Variants in MAGI2 observed in about 807,000 individuals in gnomAD.
The protein encoded by MAGI2 is membrane associated guanylate kinase, WW and PDZ domain containing 2, also known as membrane-associated guanylate kinase, WW and PDZ domain-containing protein 2.
MAGI2 carries 35 observed loss-of-function variants against 133.3 expected under a neutral mutation model. The observed-to-expected ratio is 0.26, with a 90% CI of 0.20 to 0.35. The LOEUF is 0.35. MAGI2 is among the 10% of genes least tolerant of loss of function. MAGI2 has a pLI of 1.00. For missense variants in MAGI2, 1,636 were observed against 1,863.4 expected (o/e 0.88, Z 2.25); for synonymous variants, 729 against 710.6 (o/e 1.03, Z -0.41).
chr7:78,144,847 C>A (rs1823132575), intron 16 of MAGI2, among the ~76,000 whole-genome samples: 1 of 152,116 alleles, frequency 6.6e-6, no homozygotes, highest in Non-Finnish European at 1.5e-5. Flanking sequence ...TGGTTTGCTG[C>A]ACTTATTGAT....
intron 1 of MAGI2, among the ~76,000 whole-genome samples, chr7:79,300,581 G>C (rs1430458743): frequency 6.6e-6 from 1 of 152,166 alleles, no homozygotes; most frequent in Non-Finnish European, 1.5e-5. Flanking sequence ...ATATTTAAAA[G>C]GATAGCAGAG....
intron 3 of MAGI2, among the ~76,000 whole-genome samples, chr7:78,544,919 G>T (rs999658252): frequency 6.6e-6 from 1 of 151,372 alleles, no homozygotes; most frequent in Non-Finnish European, 1.5e-5. Context: ...TTGGCCTCCC[G>T]AAGGGCTGGG....
intron 1 of MAGI2, among the ~76,000 whole-genome samples, chr7:79,187,355 A>G (rs1827260575): frequency 6.6e-6 from 1 of 151,748 alleles, no homozygotes; most frequent in Non-Finnish European, 1.5e-5. Context: ...TTCTATGATA[A>G]AACTATCTCA....
intron 1 of MAGI2, among the ~76,000 whole-genome samples, chr7:79,270,858 C>G (rs1468399971): frequency 2.0e-5 from 3 of 152,028 alleles, no homozygotes; most frequent in Non-Finnish European, 4.4e-5. Context: ...CTAGTTTCTT[C>G]ATACCACTTT....
chr7:79,390,864 G>T (rs1844548242), intron 1 of MAGI2, among the ~76,000 whole-genome samples: 1 of 152,152 alleles, frequency 6.6e-6, no homozygotes, highest in Non-Finnish European at 1.5e-5. Context: ...CTCTGAATTA[G>T]CAGAAAGAGC....
chr7:78,321,675 A>T (rs1372089165), intron 9 of MAGI2, among the ~76,000 whole-genome samples: 1 of 152,192 alleles, frequency 6.6e-6, no homozygotes, highest in African/African-American at 2.4e-5. Context: ...CCCTAGAAGA[A>T]AACCCAGGCA....
chr7:78,185,521 T>G, intron 13 of MAGI2, 108 bp downstream of exon 13: 1 of 814,334 alleles, frequency 1.2e-6, no homozygotes, highest in Non-Finnish European at 1.9e-6. Flanking sequence ...GTGACTAAAG[T>G]AGCACAGCGA....
intron 10 of MAGI2, among the ~76,000 whole-genome samples, chr7:78,241,941 A>C (rs1261366949): frequency 6.6e-6 from 1 of 151,824 alleles, no homozygotes; most frequent in African/African-American, 2.4e-5. Flanking sequence ...CTCAAAAAAA[A>C]AAAAAGATTT....
intron 10 of MAGI2, among the ~76,000 whole-genome samples, chr7:78,249,583 T>G (rs1050817642): frequency 3.9e-5 from 6 of 152,052 alleles, no homozygotes; most frequent in African/African-American, 1.4e-4. Context: ...CTGGAGGACA[T>G]TACATTAAGT....
intron 1 of MAGI2, among the ~76,000 whole-genome samples, chr7:79,169,761 A>C (rs1825330662): frequency 6.6e-6 from 1 of 152,138 alleles, no homozygotes; most frequent in South Asian, 2.1e-4. Flanking sequence ...ATTAAAACTC[A>C]TGGCCAGCTA....
chr7:78,429,107 A>T (rs150393531), intron 6 of MAGI2, among the ~76,000 whole-genome samples: 1 of 152,194 alleles, frequency 6.6e-6, no homozygotes, highest in African/African-American at 2.4e-5. Context: ...ATTGGTTTCT[A>T]TAATGAGTAC....
intron 1 of MAGI2, among the ~76,000 whole-genome samples, chr7:79,442,825 T>A (rs1412134744): frequency 6.6e-6 from 1 of 152,144 alleles, no homozygotes; most frequent in Non-Finnish European, 1.5e-5. Flanking sequence ...AGGGTGTTTT[T>A]AGAAATTAGC....
At chr7:78,638,454 A>G (rs1316950569) in intron 2 of MAGI2, among the ~76,000 whole-genome samples, 1 of 152,262 alleles carries the variant, frequency 6.6e-6, no homozygotes, top group African/African-American at 2.4e-5. Flanking sequence ...CTTTGGTTGC[A>G]TAAATTACTT....
rs985805854 is a variant in MAGI2 at position 78,372,588 on chromosome 7, G to C, written c.1046-3375C>G. On this transcript the variant is annotated intron_variant, in intron 6 of 21. Coordinates refer to ENST00000354212, the MANE Select transcript of MAGI2 (RefSeq NM_012301.4). ...AAAATAAACACTTGAGATCAGCAAGGTTAATGTTGCATTAAGAACTGTTTT... is the reference window on the plus strand; with the variant it reads ...AAAATAAACACTTGAGATCAGCAAGCTTAATGTTGCATTAAGAACTGTTTT... Among the ~76,000 whole-genome samples the C allele has an allele frequency of 1.3e-4, 20 of 152,236 alleles. No homozygotes were observed. The East Asian group carries it at 3.3e-3, about 25-fold the overall frequency.
intron 2 of MAGI2, among the ~76,000 whole-genome samples, chr7:78,834,696 G>T (rs1791464815): frequency 6.6e-6 from 1 of 152,154 alleles, no homozygotes; most frequent in African/African-American, 2.4e-5. Flanking sequence ...TATTGATATA[G>T]TTTGGGTATT....
intron 2 of MAGI2, among the ~76,000 whole-genome samples, chr7:79,000,676 C>T (rs1189824193): frequency 6.6e-6 from 1 of 152,014 alleles, no homozygotes; most frequent in Non-Finnish European, 1.5e-5. Flanking sequence ...TTTTGAAGAG[C>T]CTGCTTTTCT....
intron 17 of MAGI2, 198 bp downstream of exon 17, chr7:78,134,823 G>C: frequency 1.8e-6 from 1 of 556,420 alleles, no homozygotes; most frequent in Admixed American, 3.2e-5. Flanking sequence ...AATGAAACAG[G>C]TACTGAGTAA....
At chr7:78,234,531 G>A (rs902584345) in intron 10 of MAGI2, among the ~76,000 whole-genome samples, 12 of 146,042 alleles carry the variant, frequency 8.2e-5, no homozygotes, top group East Asian at 5.9e-4. Context: ...TGCACTTTTC[G>A]TTAGAATTTA....
chr7:79,119,304 C>A (rs1476426822), intron 1 of MAGI2, among the ~76,000 whole-genome samples: 1 of 151,992 alleles, frequency 6.6e-6, no homozygotes, highest in Non-Finnish European at 1.5e-5. Flanking sequence ...TTCAAAGCAA[C>A]AGCATTTCAA....
Sources: gnomAD v4.1 joint callset for allele counts (sites outside exome capture counted in the v4.1 genomes callset) on GRCh38, gnomAD v4.1.1 for gene constraint, MANE v1.5 for transcripts, NCBI Gene and HGNC (gene_info 2026-07-23, HGNC 2026-07-21) for gene names.